GRIK2: variants seen among roughly 807,000 people sequenced by gnomAD.
GRIK2 encodes the protein glutamate receptor ionotropic, kainate 2.
Under a neutral mutation model 100.3 loss-of-function variants are expected in GRIK2, and 32 were observed. The observed-to-expected ratio is 0.32, with a 90% CI of 0.24 to 0.43. The LOEUF (loss-of-function observed/expected upper bound fraction) is 0.43. Among genes scored for constraint, GRIK2 ranks in the 20% least tolerant of loss-of-function variants. GRIK2 has a pLI of 1.00. For synonymous variants in GRIK2, 417 were observed against 389.4 expected (o/e 1.07, Z -0.83); for missense variants, 843 against 1,114.9 (o/e 0.76, Z 3.47).
chr6:101,808,883 A>C (rs1781159469), intron 9 of GRIK2, among the ~76,000 whole-genome samples: 1 of 151,870 alleles, frequency 6.6e-6, no homozygotes, highest in South Asian at 2.1e-4. Context: ...TTTGTAATAA[A>C]ATCAGATTTA....
intron 15 of GRIK2, 131 bp from the exon 16 acceptor site, chr6:102,055,199 T>C: frequency 1.6e-6 from 1 of 609,858 alleles, no homozygotes; most frequent in East Asian, 2.8e-5. Context: ...CCAGTTGTTT[T>C]TCTCTTCTGA....
intron 11 of GRIK2, among the ~76,000 whole-genome samples, chr6:101,874,009 T>C (rs535615743): frequency 4.4e-4 from 67 of 152,294 alleles, no homozygotes; most frequent in South Asian, 3.1e-3. Context: ...CTTTGTCAGA[T>C]GAGTAGATTG....
chr6:102,063,926 T>C (rs754761369), intron 16 of GRIK2: 1 of 918,958 alleles, frequency 1.1e-6, no homozygotes, highest in East Asian at 2.4e-5. Flanking sequence ...CAATTATACA[T>C]GCTAACAGCT....
chr6:101,674,016 T>C (rs1319147997), intron 4 of GRIK2, among the ~76,000 whole-genome samples: 2 of 152,200 alleles, frequency 1.3e-5, no homozygotes, highest in Admixed American at 6.6e-5. Context: ...ATTTTTTCTC[T>C]TTTTTCTGCA....
chr6:101,783,191 A>G (rs1161667002), intron 7 of GRIK2, among the ~76,000 whole-genome samples: 2 of 152,042 alleles, frequency 1.3e-5, no homozygotes, highest in Admixed American at 1.3e-4. Context: ...TTCCCACATG[A>G]CAAAGGAGGG....
intron 6 of GRIK2, 57 bp downstream of exon 6, chr6:101,682,663 T>A (rs535832810): frequency 7.7e-6 from 6 of 777,158 alleles, no homozygotes; most frequent in Admixed American, 7.4e-5. Context: ...CTTTTTCAGA[T>A]GAAAAATAGG....
chr6:101,500,508 G>A (rs1773690682), intron 2 of GRIK2, among the ~76,000 whole-genome samples: 1 of 152,024 alleles, frequency 6.6e-6, no homozygotes, highest in Admixed American at 6.6e-5. Context: ...TACTTTTGGT[G>A]AATGATTTTC....
At chr6:101,808,689 T>C (rs957480860) in intron 9 of GRIK2, among the ~76,000 whole-genome samples, 13 of 151,972 alleles carry the variant, frequency 8.6e-5, no homozygotes, top group South Asian at 2.1e-4. Context: ...GAATTCCCTA[T>C]CTCCTCAGCA....
intron 2 of GRIK2, among the ~76,000 whole-genome samples, chr6:101,471,956 T>C (rs1383885887): frequency 1.3e-5 from 2 of 151,648 alleles, no homozygotes; most frequent in African/African-American, 4.8e-5. Context: ...ATGGTGTCCA[T>C]AAATTTTTTT....
intron 4 of GRIK2, among the ~76,000 whole-genome samples, chr6:101,654,115 A>G (rs1175430177): frequency 6.6e-6 from 1 of 152,122 alleles, no homozygotes; most frequent in Non-Finnish European, 1.5e-5. Flanking sequence ...TATTTGCTGA[A>G]AACTGAATAA....
chr6:101,889,688 A>G lies in GRIK2; in HGVS notation c.1573A>G (p.Lys525Glu). The change falls in exon 12 of 17, where the codon AAG (lysine) becomes GAG (glutamate). Residue 525 changes from lysine to glutamate, a missense_variant. By Grantham distance (56) the Lys-to-Glu change is moderately conservative. Transcript: ENST00000369134. ...APLAITYVRE[K>E]VIDFSKPFMT... is the part of the protein sequence containing the mutation. Reference sequence around the variant, plus strand: ...ACTGGCTATTACCTATGTTCGAGAGAAGGTCATCGACTTTTCCAAGCCCTT... The same window carrying G: ...ACTGGCTATTACCTATGTTCGAGAGGAGGTCATCGACTTTTCCAAGCCCTT... The G allele has an allele frequency of 5.6e-6, 9 of 1,611,278 alleles. No homozygotes were observed. The highest frequency in any genetic ancestry group is 6.8e-6 in the Non-Finnish European group (8 of 1,179,224).
At chr6:102,028,466 T>C (rs1769817481) in intron 14 of GRIK2, among the ~76,000 whole-genome samples, 1 of 151,246 alleles carries the variant, frequency 6.6e-6, no homozygotes, top group Non-Finnish European at 1.5e-5. Context: ...CCATCTAATA[T>C]AACATAGAAA....
intron 12 of GRIK2, among the ~76,000 whole-genome samples, chr6:101,909,385 T>TGTTTTTTTG (rs1469478998): frequency 1.3e-4 from 10 of 78,424 alleles, no homozygotes; most frequent in Non-Finnish European, 2.9e-4. Context: ...TCTTTTTCTT[T>TGTTTTTTTG]TTTTTTTTTT....
At chr6:101,441,731 T>C (rs1278095725) in intron 2 of GRIK2, among the ~76,000 whole-genome samples, 1 of 152,146 alleles carries the variant, frequency 6.6e-6, no homozygotes, top group Non-Finnish European at 1.5e-5. Context: ...AATTTTGTCA[T>C]CCAGGAATCA....
At chr6:101,571,773 A>T (rs1223044597) in intron 2 of GRIK2, among the ~76,000 whole-genome samples, 3 of 152,146 alleles carry the variant, frequency 2.0e-5, no homozygotes, top group East Asian at 1.9e-4. Flanking sequence ...ACCAAAATCA[A>T]TTGTAAATGG....
Position 101,510,527 on chromosome 6 carries a change from T to A in GRIK2, c.115+111135T>A, listed in dbSNP as rs78700841. Among the ~76,000 whole-genome samples, 2 of 141,502 alleles carry A rather than the reference T, an allele frequency of 1.4e-5. 1 individual carries two copies. The highest frequency in any genetic ancestry group is 4.2e-4 in the East Asian group (2 of 4,764). The allele number at this position is 141,502 out of a possible 152,430, so 92.8% of individuals were successfully genotyped here. ...GTTGGGGAGTTTTTTTTTTTTTTTT[T>A]TTTTTTTTTTTTTGAGATTGAGTCT... On this transcript the variant is annotated intron_variant, in intron 2 of 16. Transcript: ENST00000369134.
chr6:101,544,429 C>A (rs1776141515), intron 2 of GRIK2, among the ~76,000 whole-genome samples: 1 of 152,114 alleles, frequency 6.6e-6, no homozygotes, highest in Non-Finnish European at 1.5e-5. Flanking sequence ...CTTCTGTGTA[C>A]CCCGGGGGAA....
rs1781265850 is a variant in GRIK2 at position 101,810,560 on chromosome 6, A to T, written c.1204-7810A>T. Among the ~76,000 whole-genome samples the T allele has an allele frequency of 2.0e-5, 3 of 152,062 alleles. No homozygotes were observed. In the South Asian group the frequency reaches 6.2e-4, roughly 31 times the overall value. The stretch of plus-strand genomic sequence containing the variant: ...TATCTGAAGGTCAGCCAATTTCCAG[A>T]CAATTGCTCTGGACTCAAATTCTAG... On this transcript the variant is annotated intron_variant, in intron 9 of 16. Transcript: ENST00000369134.
intron 2 of GRIK2, among the ~76,000 whole-genome samples, chr6:101,520,392 A>G (rs1774824014): frequency 6.6e-6 from 1 of 150,560 alleles, no homozygotes; most frequent in East Asian, 1.9e-4. Flanking sequence ...ATTACATTAT[A>G]TATTATTTCA....
Sources: gnomAD v4.1 joint callset for allele counts (sites outside exome capture counted in the v4.1 genomes callset) on GRCh38, gnomAD v4.1.1 for gene constraint, MANE v1.5 for transcripts, NCBI Gene and HGNC (gene_info 2026-07-23, HGNC 2026-07-21) for gene names.